The following LTBP1 variants were observed in gnomAD, a reference collection of about 807,000 sequenced individuals.
The protein encoded by LTBP1 is latent-transforming growth factor beta-binding protein 1.
LTBP1 carries 129 observed loss-of-function variants against 207.6 expected under a neutral mutation model. The ratio of observed to expected loss-of-function variants is 0.62; its 90% CI spans 0.54 to 0.72. LTBP1 has a LOEUF of 0.72. LTBP1 is among the 30% of genes least tolerant of loss of function. The pLI is 0.00. For synonymous variants in LTBP1, 963 were observed against 833.7 expected, an observed-to-expected ratio of 1.16 and a Z score of -2.67; for missense variants, 2,281 against 2,217.2, an observed-to-expected ratio of 1.03 and a Z score of -0.58.
chr2:33,230,124 A>T (rs2091703342), intron 9 of LTBP1, among the ~76,000 whole-genome samples: 1 of 152,208 alleles, frequency 6.6e-6, no homozygotes, highest in South Asian at 2.1e-4. Flanking sequence ...AAAGGTTTTC[A>T]AAAGGAGCCC....
At chr2:33,243,870 T>C (rs2092421578) in intron 10 of LTBP1, 86 bp downstream of exon 10, 1 of 1,449,954 alleles carries the variant, frequency 6.9e-7, no homozygotes, top group Non-Finnish European at 9.5e-7. Flanking sequence ...AGTGGCCAAC[T>C]GAATGCTTGT....
At chr2:33,149,237 A>AAAC (rs2083314620) in intron 5 of LTBP1, among the ~76,000 whole-genome samples, 1 of 142,814 alleles carries the variant, frequency 7.0e-6, no homozygotes, top group Non-Finnish European at 1.6e-5. Context: ...ACAAAAAAAA[A>AAAC]AAAAAAAAAA....
intron 3 of LTBP1, among the ~76,000 whole-genome samples, chr2:33,099,728 A>G (rs568750413): frequency 6.6e-6 from 1 of 152,126 alleles, no homozygotes; most frequent in Non-Finnish European, 1.5e-5. Flanking sequence ...TGCCACGTGG[A>G]TGCCTGTCCT....
At chr2:33,052,695 C>A (rs915259648) in intron 3 of LTBP1, among the ~76,000 whole-genome samples, 2 of 152,134 alleles carry the variant, frequency 1.3e-5, no homozygotes, top group African/African-American at 2.4e-5. Flanking sequence ...TGTAAGTTTT[C>A]TGTATGGAGG....
chr2:33,204,122 T>G (rs1315717411), intron 7 of LTBP1, among the ~76,000 whole-genome samples: 3 of 152,248 alleles, frequency 2.0e-5, no homozygotes, highest in African/African-American at 7.2e-5. Context: ...CAACATTTTT[T>G]GCCGTATATT....
At chr2:33,377,173 G>A (rs756128940) in intron 31 of LTBP1, among the ~76,000 whole-genome samples, 5 of 152,220 alleles carry the variant, frequency 3.3e-5, no homozygotes, top group Non-Finnish European at 7.3e-5. Context: ...TGAAGACAGA[G>A]CTCTGGAGGA....
chr2:33,018,540 G>A (rs1348727453), intron 2 of LTBP1, among the ~76,000 whole-genome samples: 2 of 152,190 alleles, frequency 1.3e-5, no homozygotes, highest in East Asian at 3.9e-4. Flanking sequence ...GGCCACTTCT[G>A]TTCTCTTGGG....
At chr2:33,274,668 G>A (rs2093390228) in intron 16 of LTBP1, among the ~76,000 whole-genome samples, 1 of 152,194 alleles carries the variant, frequency 6.6e-6, no homozygotes, top group Non-Finnish European at 1.5e-5. Context: ...CCATTGCTTG[G>A]ATGTCTCTCG....
At chr2:33,156,796 A>G (rs1466679912) in intron 5 of LTBP1, among the ~76,000 whole-genome samples, 3 of 152,220 alleles carry the variant, frequency 2.0e-5, no homozygotes, top group Non-Finnish European at 4.4e-5. Flanking sequence ...AGTATATTAA[A>G]CATCAAATAT....
chr2:33,269,496 C>T (rs2093267486), intron 15 of LTBP1, among the ~76,000 whole-genome samples: 2 of 152,164 alleles, frequency 1.3e-5, no homozygotes, highest in Admixed American at 1.3e-4. Flanking sequence ...CTCACTTAAT[C>T]GTCTCTCTGC....
chr2:33,118,828 G>A (rs545860439), intron 4 of LTBP1, among the ~76,000 whole-genome samples: 1 of 152,178 alleles, frequency 6.6e-6, no homozygotes. Flanking sequence ...TAACATTCCA[G>A]TTCAGGGAAG....
chr2:33,349,539 A>C (rs1559050801), intron 26 of LTBP1, among the ~76,000 whole-genome samples: 1 of 152,000 alleles, frequency 6.6e-6, no homozygotes, highest in Non-Finnish European at 1.5e-5. Context: ...TTGTGTGGCT[A>C]TCCTGCATAA....
intron 3 of LTBP1, among the ~76,000 whole-genome samples, chr2:33,104,378 C>T (rs994002831): frequency 2.0e-5 from 3 of 152,202 alleles, no homozygotes; most frequent in Non-Finnish European, 2.9e-5. Flanking sequence ...CTCCCCATCA[C>T]ATAATATGCA....
chr2:33,271,591 A>G (rs1167209883), intron 15 of LTBP1, among the ~76,000 whole-genome samples: 2 of 140,766 alleles, frequency 1.4e-5, no homozygotes, highest in Non-Finnish European at 3.0e-5. Context: ...ATTTTTAAGG[A>G]AGACTTTTCA....
intron 19 of LTBP1, among the ~76,000 whole-genome samples, chr2:33,287,809 G>A (rs1048626086): frequency 6.6e-6 from 1 of 152,216 alleles, no homozygotes; most frequent in Non-Finnish European, 1.5e-5. Flanking sequence ...CATCAGAATT[G>A]ACAGAGGGGG....
At chr2:33,176,878 C>T (rs774237042) in intron 5 of LTBP1, among the ~76,000 whole-genome samples, 36 of 152,156 alleles carry the variant, frequency 2.4e-4, no homozygotes, top group Non-Finnish European at 4.6e-4. Context: ...TCTCATTGCG[C>T]CCTGCCATCA....
At chr2:33,177,136 G>C (rs1030011701) in intron 5 of LTBP1, among the ~76,000 whole-genome samples, 2 of 152,154 alleles carry the variant, frequency 1.3e-5, no homozygotes, top group Non-Finnish European at 2.9e-5. Context: ...CCAGGCTGTT[G>C]CTCTTAATGT....
intron 32 of LTBP1, among the ~76,000 whole-genome samples, chr2:33,391,913 G>A (rs1311185861): frequency 2.6e-5 from 4 of 152,164 alleles, no homozygotes; most frequent in Admixed American, 6.5e-5. Context: ...CAGCTTGGAC[G>A]ATGTAATGGC....
At chr2:33,347,923 A>G (rs2094725816) in intron 26 of LTBP1, among the ~76,000 whole-genome samples, 3 of 152,242 alleles carry the variant, frequency 2.0e-5, no homozygotes, top group South Asian at 4.1e-4. Flanking sequence ...AAAGCAACAT[A>G]TAGGCCTCTT....
Sources: gnomAD v4.1 joint callset for allele counts (sites outside exome capture counted in the v4.1 genomes callset) on GRCh38, gnomAD v4.1.1 for gene constraint, MANE v1.5 for transcripts, NCBI Gene and HGNC (gene_info 2026-07-23, HGNC 2026-07-21) for gene names.